CADM2: variants seen among roughly 807,000 people sequenced by gnomAD.
CADM2 encodes cell adhesion molecule 2, also known as immunoglobulin superfamily member 4D.
In CADM2, 12 loss-of-function variants were observed where a neutral mutation model predicts 49.8. That is an observed-to-expected ratio of 0.24 (90% CI 0.15 to 0.39). The LOEUF (loss-of-function observed/expected upper bound fraction) is 0.39, where lower values mean the gene tolerates loss of function less well. Among genes scored for constraint, CADM2 ranks in the 10% least tolerant of loss-of-function variants. The pLI, the probability that CADM2 is intolerant of heterozygous loss-of-function variation, is 1.00. For missense variants in CADM2, 378 were observed against 492.3 expected (o/e 0.77, Z 2.20); for synonymous variants, 214 against 175.4 (o/e 1.22, Z -1.74).
At chr3:85,887,508 C>T (rs1172968600) in intron 5 of CADM2, among the ~76,000 whole-genome samples, 3 of 152,038 alleles carry the variant, frequency 2.0e-5, no homozygotes, top group African/African-American at 7.3e-5. Flanking sequence ...ATAATCCATG[C>T]AATTATTTTT....
At chr3:85,068,258 A>G (rs370367826) in intron 1 of CADM2, among the ~76,000 whole-genome samples, 2 of 152,102 alleles carry the variant, frequency 1.3e-5, no homozygotes, top group Non-Finnish European at 2.9e-5. Context: ...TCATCAATCT[A>G]TCTGTTAGTT....
At chr3:85,220,458 T>C (rs1484780501) in intron 1 of CADM2, among the ~76,000 whole-genome samples, 1 of 152,076 alleles carries the variant, frequency 6.6e-6, no homozygotes, top group Non-Finnish European at 1.5e-5. Context: ...ACTCAATTCA[T>C]TTTTTGTTTG....
At position 85,204,410 on chromosome 3, in the gene CADM2, C is replaced by T. The variant is rs540933680; in HGVS notation, c.61+244742C>T. On this transcript the variant is annotated intron_variant, in intron 1 of 9. Transcript: ENST00000383699. Reference sequence around the variant, plus strand: ...CCAAAAGTAAGGCCCTACTTTAGATCATTTCTTCCTGTAATTTTGGCAGTG... The same window carrying T: ...CCAAAAGTAAGGCCCTACTTTAGATTATTTCTTCCTGTAATTTTGGCAGTG... 3.9e-5 allele frequency among the ~76,000 whole-genome samples: 6 copies of T among 152,224 alleles called. No individual in the cohort carries two copies. The South Asian group carries it at 8.3e-4, about 21-fold the overall frequency.
intron 1 of CADM2, among the ~76,000 whole-genome samples, chr3:85,709,679 T>C (rs2067057099): frequency 1.3e-5 from 2 of 152,118 alleles, no homozygotes; most frequent in African/African-American, 4.8e-5. Context: ...TGAAAAACAT[T>C]CACATGCAAA....
chr3:85,608,604 G>A (rs568623576), intron 1 of CADM2, among the ~76,000 whole-genome samples: 20 of 152,200 alleles, frequency 1.3e-4, no homozygotes, highest in African/African-American at 4.8e-4. Flanking sequence ...AAACCTACCA[G>A]CAATGTCAGC....
At chr3:85,695,124 CTT>C (rs2066510697) in intron 1 of CADM2, among the ~76,000 whole-genome samples, 1 of 152,016 alleles carries the variant, frequency 6.6e-6, no homozygotes, top group South Asian at 2.1e-4. Context: ...AAAATAATGA[CTT>C]AAATATTTAT....
At chr3:85,122,782 A>T (rs1463346444) in intron 1 of CADM2, among the ~76,000 whole-genome samples, 1 of 152,042 alleles carries the variant, frequency 6.6e-6, no homozygotes, top group African/African-American at 2.4e-5. Context: ...TAGACCCTCA[A>T]GGAAATACCT....
At chr3:85,779,107 C>T (rs937567438) in intron 2 of CADM2, among the ~76,000 whole-genome samples, 3 of 151,898 alleles carry the variant, frequency 2.0e-5, no homozygotes, top group African/African-American at 7.3e-5. Context: ...CAGTATAATA[C>T]TTAAGGATAA....
intron 1 of CADM2, among the ~76,000 whole-genome samples, chr3:85,466,493 T>C (rs891511820): frequency 7.2e-5 from 11 of 152,152 alleles, no homozygotes; most frequent in Admixed American, 5.2e-4. Context: ...ATAAGGTAGT[T>C]GCCATTTTTG....
intron 1 of CADM2, among the ~76,000 whole-genome samples, chr3:85,072,196 AAAT>A (rs2036773673): frequency 6.6e-6 from 1 of 152,018 alleles, no homozygotes; most frequent in Non-Finnish European, 1.5e-5. Flanking sequence ...TGATAAATGT[AAAT>A]CTATACTTAC....
At chr3:85,128,754 A>T (rs1488255962) in intron 1 of CADM2, among the ~76,000 whole-genome samples, 1 of 152,192 alleles carries the variant, frequency 6.6e-6, no homozygotes, top group African/African-American at 2.4e-5. Flanking sequence ...GTTAAGGCTA[A>T]ATTATGTGGG....
chr3:85,860,325 G>A lies in CADM2; in HGVS notation c.239-22966G>A, dbSNP rs923877929. Among the ~76,000 whole-genome samples, 8 of 152,000 alleles carry A rather than the reference G, an allele frequency of 5.3e-5. No individual in the cohort carries two copies. The East Asian group carries it at 1.5e-3, about 29-fold the overall frequency. On this transcript the variant is annotated intron_variant, in intron 3 of 9. Coordinates refer to ENST00000383699, the MANE Select transcript of CADM2 (RefSeq NM_001167675.2). ...TACATGGAGGCTACAGACTATTGAA[G>A]GGAACATATAATAAGATAAATAATA... is the stretch of plus-strand genomic sequence containing the variant.
chr3:85,931,302 G>A (rs1720557697), intron 6 of CADM2, among the ~76,000 whole-genome samples: 1 of 152,054 alleles, frequency 6.6e-6, no homozygotes, highest in South Asian at 2.1e-4. Flanking sequence ...AGCCAGGCAT[G>A]GTGGAGCACA....
At chr3:85,106,498 C>T (rs548103326) in intron 1 of CADM2, among the ~76,000 whole-genome samples, 1 of 152,142 alleles carries the variant, frequency 6.6e-6, no homozygotes, top group African/African-American at 2.4e-5. Flanking sequence ...GCACAGGTTC[C>T]TTATTCACTT....
At chr3:85,347,147 A>G (rs2030749112) in intron 1 of CADM2, among the ~76,000 whole-genome samples, 1 of 133,270 alleles carries the variant, frequency 7.5e-6, no homozygotes, top group Admixed American at 9.2e-5. Flanking sequence ...ACTTGAATCC[A>G]GCCGGCAGAG....
At chr3:85,071,035 T>TA (rs2036724501) in intron 1 of CADM2, among the ~76,000 whole-genome samples, 1 of 150,126 alleles carries the variant, frequency 6.7e-6, no homozygotes, top group South Asian at 2.1e-4. Context: ...AATAAATAAA[T>TA]AAATAAAATA....
chr3:85,875,928 G>C lies in CADM2; in HGVS notation c.239-7363G>C, dbSNP rs142333456. Among the ~76,000 whole-genome samples the C allele has an allele frequency of 9.4e-3, 1,429 of 152,208 alleles. 20 individuals are homozygous for C. Among genetic ancestry groups the C allele is most frequent in the Middle Eastern group, 0.02 (6 of 294 alleles). ...GAGTTCTTAAGTACATCTTCCCATA[G>C]GTAGAACTTGGCTTATTGTACTGAC... On this transcript the variant is annotated intron_variant, in intron 3 of 9. Coordinates refer to ENST00000383699, the MANE Select transcript of CADM2 (RefSeq NM_001167675.2).
At chr3:84,985,269 A>G (rs2032486924) in intron 1 of CADM2, among the ~76,000 whole-genome samples, 1 of 152,150 alleles carries the variant, frequency 6.6e-6, no homozygotes, top group Non-Finnish European at 1.5e-5. Context: ...CAGCATTTGA[A>G]GTTAGTATTC....
intron 3 of CADM2, among the ~76,000 whole-genome samples, chr3:85,827,654 A>C (rs2073983239): frequency 6.6e-6 from 1 of 152,010 alleles, no homozygotes; most frequent in Non-Finnish European, 1.5e-5. Flanking sequence ...AACTGATTAG[A>C]AAAGTTCATG....
Sources: allele counts gnomAD v4.1 joint callset (sites outside exome capture counted in the v4.1 genomes callset), GRCh38; gene constraint gnomAD v4.1.1; transcripts MANE v1.5; gene names NCBI Gene and HGNC (gene_info 2026-07-23, HGNC 2026-07-21).